The following HNRNPU variants were observed in gnomAD, a reference collection of about 807,000 sequenced individuals.
HNRNPU encodes the protein HNRNPU antisense RNA 1.
HNRNPU carries 5 observed loss-of-function variants against 94.7 expected under a neutral mutation model. The ratio of observed to expected loss-of-function variants is 0.05; its 90% CI spans 0.03 to 0.11. The LOEUF (loss-of-function observed/expected upper bound fraction) is 0.11, where lower values mean the gene tolerates loss of function less well. HNRNPU is among the 10% of genes least tolerant of loss of function. HNRNPU has a pLI of 1.00. For synonymous variants in HNRNPU, 434 were observed against 381.6 expected (o/e 1.14, Z -1.60); for missense variants, 710 against 1,049.2 (o/e 0.68, Z 4.47).
At chr1:244,863,018 G>C (rs1389955054) in intron 1 of HNRNPU, 2 of 372,692 alleles carry the variant, frequency 5.4e-6, no homozygotes, top group Admixed American at 4.5e-5. Context: ...AGAGCGCAGA[G>C]AGGGGGAGGG....
rs1680537482 is a variant in HNRNPU at position 244,851,102 on chromosome 1, C to G, written c.*3348G>C. ...AGGATTACAGGCGTGAGCCACCACACCCAGCCAAGTTCCATCCACTTTTGA... is the reference window on the plus strand; with the variant it reads ...AGGATTACAGGCGTGAGCCACCACAGCCAGCCAAGTTCCATCCACTTTTGA... On this transcript the variant is annotated 3_prime_UTR_variant, in exon 14 of 14. Transcript: ENST00000640218. The G allele has an allele frequency of 6.6e-6, 1 of 152,152 alleles. No individual in the cohort carries two copies. Among genetic ancestry groups the G allele is most frequent in the African/African-American group, 2.4e-5 (1 of 41,414 alleles). The allele number at this position is 152,152 out of a possible 1,614,324, so 9.4% of individuals were successfully genotyped here.
At position 244,854,254 on chromosome 1, in the gene HNRNPU, T is replaced by TGA. The variant is rs1680620406; in HGVS notation, c.*195_*196insTC. 6.9e-6 allele frequency: 4 copies of TGA among 577,648 alleles called. No homozygotes were observed. Among genetic ancestry groups the TGA allele is most frequent in the Admixed American group, 6.9e-5 (2 of 29,168 alleles). 35.8% of individuals were successfully genotyped at this position (577,648 alleles called of 1,614,324 possible). On this transcript the variant is annotated 3_prime_UTR_variant, in exon 14 of 14. Coordinates refer to ENST00000640218, the MANE Select transcript of HNRNPU (RefSeq NM_031844.3). The stretch of plus-strand genomic sequence containing the variant: ...ATCGTGCACAATGCTGAGGTTCTCT[T>TGA]ACGATTCACTTTTAAACTGCAATTA...
chr1:244,858,520 ACT>A lies in HNRNPU; in HGVS notation c.1230+207_1230+208del, dbSNP rs149375420. ...AATTTTCTAGGTCAATTTCATGTTCACTGTTTTCAGTCAAAATGAATTAGTGA... is the reference window on the plus strand; with the variant it reads ...AATTTTCTAGGTCAATTTCATGTTCAGTTTTCAGTCAAAATGAATTAGTGA... On this transcript the variant is annotated intron_variant, in intron 6 of 13. Transcript: ENST00000640218. 7.1e-4 allele frequency: 432 copies of A among 607,122 alleles called. 1 individual carries two copies. Among genetic ancestry groups the A allele is most frequent in the African/African-American group, 7.1e-3 (382 of 53,970 alleles). The allele number at this position is 607,122 out of a possible 1,614,324, so 37.6% of individuals were successfully genotyped here.
chr1:244,850,513 G>A lies in HNRNPU; in HGVS notation c.*3937C>T, dbSNP rs913048175. The A allele has an allele frequency of 1.6e-5, 2 of 127,162 alleles. No homozygotes were observed. The highest frequency in any genetic ancestry group is 3.1e-5 in the Non-Finnish European group (2 of 63,812). The allele number at this position is 127,162 out of a possible 1,614,324, so 7.9% of individuals were successfully genotyped here. A position where few individuals can be genotyped will look rare whatever the true frequency, so the allele number is the denominator to read the frequency against. On this transcript the variant is annotated 3_prime_UTR_variant, in exon 14 of 14. Coordinates refer to ENST00000640218, the MANE Select transcript of HNRNPU (RefSeq NM_031844.3). ...AAAAAGCTTTAATAAAGGCACTGCA[G>A]CGTTAACTAAGTTTTAGGGTAAATT...
In HNRNPU at chr1:244,850,785, A is replaced by T. The variant is rs1680527005; in HGVS notation, c.*3665T>A. 6.6e-6 allele frequency: 1 copy of T among 152,274 alleles called. No individual in the cohort carries two copies. Among genetic ancestry groups the T allele is most frequent in the Middle Eastern group, 3.4e-3 (1 of 294 alleles). 9.4% of individuals were successfully genotyped at this position (152,274 alleles called of 1,614,324 possible). On this transcript the variant is annotated 3_prime_UTR_variant, in exon 14 of 14. Coordinates refer to ENST00000640218, the MANE Select transcript of HNRNPU (RefSeq NM_031844.3). The stretch of plus-strand genomic sequence containing the variant: ...AAACCCAATTATTCACCAAACTCTG[A>T]ACACCTCAACCTCAGAGCTCCAGAA...
chr1:244,852,352 C>T lies in HNRNPU; in HGVS notation c.*2098G>A, dbSNP rs968035876. On this transcript the variant is annotated 3_prime_UTR_variant, in exon 14 of 14. Transcript: ENST00000640218. Reference sequence around the variant, plus strand: ...GGGCTAAACAGGCATGATAGTCTACCTAGTGTTACTTGACCATTACTTTCC... The same window carrying T: ...GGGCTAAACAGGCATGATAGTCTACTTAGTGTTACTTGACCATTACTTTCC... The T allele has an allele frequency of 6.6e-6, 1 of 152,140 alleles. No individual in the cohort carries two copies. The highest frequency in any genetic ancestry group is 2.4e-5 in the African/African-American group (1 of 41,420). The allele number at this position is 152,140 out of a possible 1,614,324, so 9.4% of individuals were successfully genotyped here.
intron 11 of HNRNPU, 91 bp downstream of exon 11, chr1:244,855,809 CATTA>C (rs1403333784): frequency 2.1e-6 from 3 of 1,428,664 alleles, no homozygotes; most frequent in African/African-American, 1.4e-5. Context: ...GACAGTATAC[CATTA>C]ATGAGGAAGA....
intron 6 of HNRNPU, 161 bp downstream of exon 6, chr1:244,858,568 G>A (rs1468464112): frequency 3.2e-6 from 2 of 619,354 alleles, no homozygotes; most frequent in Non-Finnish European, 2.9e-6. Flanking sequence ...AATGTCCTGT[G>A]TTTTCCCAAT....
chr1:244,857,024 A>T (rs1221292972), intron 8 of HNRNPU, 168 bp from the exon 9 acceptor site: 2 of 536,918 alleles, frequency 3.7e-6, no homozygotes, highest in East Asian at 6.3e-5. Context: ...ATGTAACAAG[A>T]CCTTACACTT....
At chr1:244,863,395 GACACACACACACACACACACACA>G (rs1680900897) in intron 1 of HNRNPU, among the ~76,000 whole-genome samples, 199 bp downstream of exon 1, 2 of 138,656 alleles carry the variant, frequency 1.4e-5, no homozygotes, top group Non-Finnish European at 3.1e-5. Flanking sequence ...TGCCACCGCC[GACACACACACACACACACACACA>G]CACGCGCGCG....
intron 7 of HNRNPU, 80 bp downstream of exon 7, chr1:244,857,928 AATC>A: frequency 7.2e-7 from 1 of 1,382,152 alleles, no homozygotes; most frequent in Non-Finnish European, 9.9e-7. Flanking sequence ...GAAACAGACT[AATC>A]ATCTAGTTCT....
chr1:244,855,574 G>T lies in HNRNPU; in HGVS notation c.2202C>A (p.Gly734=). Residue 734 remains glycine (G), a synonymous_variant, in exon 12 of 14, where the codon GGC becomes GGA. Transcript: ENST00000640218. The part of the protein sequence containing the change: ...PGNRGGYNRR[G]NMPQRGGGGG... ...CGCCACCACCTCTCTGTGGCATGTT[G>T]CCCCTCCTATTATATCCGCCACGAT... The T allele has an allele frequency of 6.2e-7, 1 of 1,613,672 alleles. No individual in the cohort carries two copies. Among genetic ancestry groups the T allele is most frequent in the Non-Finnish European group, 8.5e-7 (1 of 1,179,846 alleles).
At position 244,858,803 on chromosome 1, in the gene HNRNPU, T is replaced by A; in HGVS notation, c.1156A>T (p.Ile386Leu). 4 of 1,582,906 alleles carry A rather than the reference T, an allele frequency of 2.5e-6. No individual in the cohort carries two copies. In the African/African-American group the frequency reaches 4.0e-5, roughly 16 times the overall value. The change falls in exon 6 of 14, where the codon ATA becomes TTA. Residue 386 changes from isoleucine to leucine, a missense_variant. By Grantham distance (5) the Ile-to-Leu change is conservative (BLOSUM62 2). Around this residue, in one of 8 missense-constraint regions of HNRNPU, gnomAD observed 150 missense variants for 187.9 expected, o/e 0.80. Coordinates refer to ENST00000640218, the MANE Select transcript of HNRNPU (RefSeq NM_031844.3). The stretch of plus-strand genomic sequence containing the variant: ...TCAGTCTCACAGTTGCATGTTTTTA[T>A]TCCTTTTAGAGAATACCCATAAGAA... ...EFSYGYSLKG[I>L]KTCNCETEDY... is the part of the protein sequence containing the mutation.
At chr1:244,856,241 A>T in intron 10 of HNRNPU, 83 bp from the exon 11 acceptor site, 1 of 1,388,684 alleles carries the variant, frequency 7.2e-7, no homozygotes, top group Non-Finnish European at 9.8e-7. Context: ...CTTGAGGTTT[A>T]GTAACATATT....
chr1:244,862,772 A>C, intron 1 of HNRNPU, 42 bp from the exon 2 acceptor site: 1 of 1,452,266 alleles, frequency 6.9e-7, no homozygotes, highest in Non-Finnish European at 9.7e-7. Context: ...GCCTCTAAAC[A>C]ACAAAAAAAC....
intron 11 of HNRNPU, 148 bp from the exon 12 acceptor site, chr1:244,855,756 A>G (rs994095311): frequency 5.7e-6 from 7 of 1,229,430 alleles, no homozygotes; most frequent in African/African-American, 4.6e-5. Context: ...AACATAACCT[A>G]GGTGTATTTA....
At chr1:244,863,551 G>C in intron 1 of HNRNPU, 66 bp downstream of exon 1, 1 of 1,304,034 alleles carries the variant, frequency 7.7e-7, no homozygotes, top group South Asian at 2.4e-5. Flanking sequence ...GCTCCGGCAG[G>C]CCTGGGGCAC....
At position 244,859,251 on chromosome 1, in the gene HNRNPU, A is replaced by C. The variant is rs73128486; in HGVS notation, c.1117+24T>G. 0.013 allele frequency: 15,213 copies of C among 1,193,524 alleles called. 1,337 individuals are homozygous for C. The African/African-American group carries it at 0.19, about 15-fold the overall frequency. 73.9% of individuals were successfully genotyped at this position (1,193,524 alleles called of 1,614,324 possible). A position where few individuals can be genotyped will look rare whatever the true frequency, so the allele number is the denominator to read the frequency against. ...GACCCTCCTGAACATTCATGAGCCC[A>C]CATCAGTCAAAAAGAAGCTTTACCA... is the stretch of plus-strand genomic sequence containing the variant. On this transcript the variant is annotated intron_variant, in intron 5 of 13. Transcript: ENST00000640218.
Position 244,857,091 on chromosome 1 carries a change from CAG to C in HNRNPU, c.1615-237_1615-236del, listed in dbSNP as rs1680700794. 5 of 387,432 alleles carry C rather than the reference CAG, an allele frequency of 1.3e-5. No individual in the cohort carries two copies. In the South Asian group the frequency reaches 2.0e-4, roughly 15 times the overall value. The allele number at this position is 387,432 out of a possible 1,614,324, so 24.0% of individuals were successfully genotyped here. ...AGCTCAAAAACACTACGGAAAAAAA[CAG>C]AAGCCTAGCCAGTGGAAGGCAGTTT... On this transcript the variant is annotated intron_variant, in intron 8 of 13. Transcript: ENST00000640218.
Sources: allele counts gnomAD v4.1 joint callset (sites outside exome capture counted in the v4.1 genomes callset), GRCh38; gene constraint gnomAD v4.1.1; regional missense constraint gnomAD v4.1.1; transcripts MANE v1.5; gene names NCBI Gene and HGNC (gene_info 2026-07-23, HGNC 2026-07-21).